The following DMD variants were observed in gnomAD, a reference collection of about 807,000 sequenced individuals.
DMD encodes the protein mutant dystrophin.
In DMD, 63 loss-of-function variants were observed where a neutral mutation model predicts 330.1. That is an observed-to-expected ratio of 0.19 (90% CI 0.16 to 0.24). The LOEUF is 0.24. Among genes scored for constraint, DMD ranks in the 10% least tolerant of loss-of-function variants. The pLI, the probability that DMD is intolerant of heterozygous loss-of-function variation, is 1.00. For missense variants in DMD, 3,344 were observed against 2,684.1 expected (o/e 1.25, Z -5.43); for synonymous variants, 1,223 against 959.8 (o/e 1.27, Z -5.07).
intron 1 of DMD, among the ~76,000 whole-genome samples, chrX:33,336,132 C>T (rs1248178908): frequency 2.7e-5 from 3 of 110,612 alleles, no homozygotes; most frequent in African/African-American, 9.8e-5. Flanking sequence ...TTACTCTCCA[C>T]AATCTAATTA....
At chrX:31,864,720 A>C (rs2149625376) in intron 48 of DMD, among the ~76,000 whole-genome samples, 1 of 110,743 alleles carries the variant, frequency 9.0e-6, no homozygotes, top group Non-Finnish European at 1.9e-5. Context: ...CAAACTCCCA[A>C]GCTCAGGCAA....
At chrX:32,706,436 C>A (rs2064671094) in intron 7 of DMD, among the ~76,000 whole-genome samples, 1 of 109,945 alleles carries the variant, frequency 9.1e-6, no homozygotes, top group Non-Finnish European at 1.9e-5. Context: ...CGCCTCTAAT[C>A]CCAGGTGATC....
At chrX:31,479,563 A>G (rs1397686691) in intron 57 of DMD, among the ~76,000 whole-genome samples, 3 of 112,397 alleles carry the variant, frequency 2.7e-5, no homozygotes. Flanking sequence ...CCAACTGACA[A>G]TCACCAGTTA....
At chrX:33,314,614 C>T (rs1603430116) in intron 1 of DMD, among the ~76,000 whole-genome samples, 1 of 84,226 alleles carries the variant, frequency 1.2e-5, no homozygotes, top group South Asian at 7.9e-4. Context: ...TGGACTAAAA[C>T]CAAGGTGTCA....
At chrX:32,079,919 C>T (rs1426186222) in intron 44 of DMD, among the ~76,000 whole-genome samples, 1 of 111,837 alleles carries the variant, frequency 8.9e-6, no homozygotes, top group East Asian at 2.8e-4. Flanking sequence ...ATGTTAAACC[C>T]TTTGACAAGT....
At position 32,395,454 on chromosome X, in the gene DMD, G is replaced by A. The variant is rs184739888; in HGVS notation, c.4234-5273C>T. On this transcript the variant is annotated intron_variant, in intron 30 of 78. Transcript: ENST00000357033. ...GGGGGAGGGGGGAGGGATAGCATTA[G>A]GAGATATACCTAATGTAACTGACAA... 4.5e-5 allele frequency among the ~76,000 whole-genome samples: 5 copies of A among 110,142 alleles called. No individual in the cohort carries two copies. The East Asian group carries it at 1.4e-3, about 32-fold the overall frequency.
chrX:32,745,575 G>C (rs968953173), intron 7 of DMD, among the ~76,000 whole-genome samples: 4 of 112,400 alleles, frequency 3.6e-5, no homozygotes, highest in Non-Finnish European at 7.5e-5. Context: ...AATACTGCTT[G>C]TCAAACACTC....
At chrX:31,655,547 C>T (rs778391029) in intron 54 of DMD, among the ~76,000 whole-genome samples, 10 of 111,269 alleles carry the variant, frequency 9.0e-5, no homozygotes, top group African/African-American at 3.3e-4. Context: ...TAATGTTTTT[C>T]CCTTCCCAAA....
At chrX:31,254,287 A>T (rs1183235926) in intron 63 of DMD, among the ~76,000 whole-genome samples, 4 of 111,762 alleles carry the variant, frequency 3.6e-5, no homozygotes, top group Non-Finnish European at 5.6e-5. Flanking sequence ...TTGTAATTTA[A>T]AAAGGAACCA....
chrX:32,314,616 G>C (rs918858752), intron 41 of DMD, among the ~76,000 whole-genome samples: 14 of 111,174 alleles, frequency 1.3e-4, no homozygotes, highest in African/African-American at 4.6e-4. Flanking sequence ...CCTACAGAAT[G>C]AGAGAAAACT....
chrX:31,247,826 T>A (rs1027611659), intron 63 of DMD, among the ~76,000 whole-genome samples: 3 of 111,629 alleles, frequency 2.7e-5, no homozygotes, highest in African/African-American at 9.8e-5. Context: ...CGTGAAGATA[T>A]GGCTGAATTG....
chrX:32,409,895 C>A (rs73619076), intron 30 of DMD, among the ~76,000 whole-genome samples: 21 of 110,678 alleles, frequency 1.9e-4, no homozygotes, highest in African/African-American at 4.3e-4. Flanking sequence ...TAAACCCTGC[C>A]GTGGTAGACA....
rs772044069 is a variant in DMD, at chrX:32,364,738, A to G, written c.5026-28T>C. ...TAATTGTACAGAGACATACCATGGCATTATTGGTTAGACAATATTCTTAAA... is the reference window on the plus strand; with the variant it reads ...TAATTGTACAGAGACATACCATGGCGTTATTGGTTAGACAATATTCTTAAA... On this transcript the variant is annotated intron_variant, in intron 35 of 78. Coordinates refer to ENST00000357033, the MANE Select transcript of DMD (RefSeq NM_004006.3). 3 of 1,196,273 alleles carry G rather than the reference A, an allele frequency of 2.5e-6. No individual in the cohort carries two copies. In the South Asian group the frequency reaches 5.4e-5, roughly 22 times the overall value.
intron 50 of DMD, among the ~76,000 whole-genome samples, chrX:31,778,969 T>C (rs1485389837): frequency 8.9e-6 from 1 of 111,853 alleles, no homozygotes. Context: ...TTTTCCACCA[T>C]GTCATAGTAC....
chrX:32,318,659 C>A (rs1445182632), intron 41 of DMD, among the ~76,000 whole-genome samples: 2 of 111,451 alleles, frequency 1.8e-5, no homozygotes, highest in East Asian at 5.6e-4. Context: ...CTGTCCATCT[C>A]AGAATAATTA....
chrX:32,236,053 A>G (rs930505298), intron 43 of DMD, among the ~76,000 whole-genome samples: 3 of 112,108 alleles, frequency 2.7e-5, no homozygotes, highest in Non-Finnish European at 5.6e-5. Flanking sequence ...AAATGAAAAT[A>G]TAACTAATAA....
chrX:31,182,074 G>A (rs1382309486), intron 68 of DMD, among the ~76,000 whole-genome samples: 3 of 112,449 alleles, frequency 2.7e-5, no homozygotes, highest in Non-Finnish European at 3.8e-5. Flanking sequence ...AACCTGCTAC[G>A]TTTCCTATCT....
At chrX:32,178,940 TTCTCTCTCTCTCTCTCTC>T (rs528690053) in intron 44 of DMD, among the ~76,000 whole-genome samples, 3 of 68,619 alleles carry the variant, frequency 4.4e-5, no homozygotes, top group Admixed American at 3.6e-4. Context: ...AAACCCCAGA[TTCTCTCTCTCTCTCTCTC>T]TCTCTCTCTC....
At chrX:31,702,126 A>C (rs1430815269) in intron 52 of DMD, among the ~76,000 whole-genome samples, 1 of 111,810 alleles carries the variant, frequency 8.9e-6, no homozygotes, top group Non-Finnish European at 1.9e-5. Flanking sequence ...CTTGGATTTT[A>C]TTCTGCCTAT....
Sources: allele counts gnomAD v4.1 joint callset (sites outside exome capture counted in the v4.1 genomes callset), GRCh38; gene constraint gnomAD v4.1.1; transcripts MANE v1.5; gene names NCBI Gene and HGNC (gene_info 2026-07-23, HGNC 2026-07-21).